ACYP2: variants seen among roughly 807,000 people sequenced by gnomAD.
ACYP2 encodes acylphosphatase 2, also known as acylphosphatase-2.
Under a neutral mutation model 11.2 loss-of-function variants are expected in ACYP2, and 12 were observed. The ratio of observed to expected loss-of-function variants is 1.08; its 90% confidence interval spans 0.69 to 1.74. ACYP2 has a LOEUF of 1.74. Among genes scored for constraint, ACYP2 ranks in the 40% most tolerant of loss-of-function variants. ACYP2 has a pLI of 0.00. For synonymous variants in ACYP2, 43 were observed against 32.2 expected (o/e 1.33, Z -1.13); for missense variants, 134 against 101.9 (o/e 1.31, Z -1.35).
At chr2:54,143,489 A>G (rs865921063) in intron 6 of ACYP2, among the ~76,000 whole-genome samples, 1 of 152,116 alleles carries the variant, frequency 6.6e-6, no homozygotes, top group Non-Finnish European at 1.5e-5. Flanking sequence ...GCTGGAGTGC[A>G]ATGGTACGAT....
chr2:54,229,494 G>A (rs1201363061), intron 6 of ACYP2, among the ~76,000 whole-genome samples: 1 of 152,144 alleles, frequency 6.6e-6, no homozygotes, highest in Non-Finnish European at 1.5e-5. Context: ...TTTGCAGAAT[G>A]TATATTATTT....
At chr2:54,141,797 A>AAAAAG in intron 6 of ACYP2, 1 of 469,182 alleles carries the variant, frequency 2.1e-6, no homozygotes, top group Non-Finnish European at 3.9e-6. Context: ...AAGAAAACTT[A>AAAAAG]CATGATTGTG....
At position 54,255,336 on chromosome 2, in the gene ACYP2, C is replaced by G. The variant is rs749701774; in HGVS notation, c.405-49352C>G. The G allele has an allele frequency of 2.5e-5, 40 of 1,614,044 alleles. No homozygotes were observed. The highest frequency in any genetic ancestry group is 3.0e-5 in the Non-Finnish European group (35 of 1,180,038). On this transcript the variant is annotated intron_variant, in intron 6 of 6. Transcript: ENST00000607452. ...CCAAATTGGTTAAGTAGCTTAACAT[C>G]TCGGCATCTTGGCCTCTAATCATGG...
At chr2:54,031,582 A>G (rs1466162955) in intron 2 of ACYP2, among the ~76,000 whole-genome samples, 1 of 152,158 alleles carries the variant, frequency 6.6e-6, no homozygotes, top group Non-Finnish European at 1.5e-5. Flanking sequence ...GCCGCAATAA[A>G]CATACATGTG....
At chr2:54,098,418 C>T (rs904333366) in intron 4 of ACYP2, among the ~76,000 whole-genome samples, 1 of 152,070 alleles carries the variant, frequency 6.6e-6, no homozygotes, top group South Asian at 2.1e-4. Flanking sequence ...TAACTCATTT[C>T]CTCTCCCTGC....
chr2:54,079,430 G>A (rs188757073), intron 4 of ACYP2, among the ~76,000 whole-genome samples: 5 of 152,184 alleles, frequency 3.3e-5, no homozygotes, highest in Admixed American at 3.3e-4. Context: ...GCTTCTGTTT[G>A]AGCTTTCTCA....
intron 6 of ACYP2, among the ~76,000 whole-genome samples, chr2:54,168,350 C>T (rs896809669): frequency 1.3e-5 from 2 of 152,074 alleles, no homozygotes; most frequent in South Asian, 2.1e-4. Flanking sequence ...TCACTGAAAC[C>T]GGGAAGCAGA....
At chr2:53,995,615 G>T (rs1672538935) in intron 2 of ACYP2, among the ~76,000 whole-genome samples, 1 of 151,464 alleles carries the variant, frequency 6.6e-6, no homozygotes, top group Non-Finnish European at 1.5e-5. Context: ...GGGATTTCCA[G>T]CTAATTTTTT....
intron 6 of ACYP2, chr2:54,256,219 C>T: frequency 6.6e-7 from 1 of 1,519,798 alleles, no homozygotes. Context: ...ACGTTCCTCA[C>T]ACAAAATGGC....
intron 4 of ACYP2, among the ~76,000 whole-genome samples, chr2:54,122,474 T>C (rs1680216938): frequency 6.6e-6 from 1 of 152,146 alleles, no homozygotes; most frequent in Admixed American, 6.5e-5. Context: ...CCTGCATGTG[T>C]CATATCAGCT....
At chr2:54,121,878 G>A (rs916962352) in intron 4 of ACYP2, among the ~76,000 whole-genome samples, 6 of 152,212 alleles carry the variant, frequency 3.9e-5, no homozygotes, top group South Asian at 2.1e-4. Context: ...ACACGGCTAC[G>A]CCTCTAGTGG....
intron 2 of ACYP2, among the ~76,000 whole-genome samples, chr2:54,034,023 A>G (rs1558484142): frequency 1.3e-5 from 2 of 152,210 alleles, no homozygotes; most frequent in Admixed American, 6.5e-5. Context: ...TGGTTCCATA[A>G]GACTGTAATA....
intron 6 of ACYP2, among the ~76,000 whole-genome samples, chr2:54,252,981 G>A (rs1286974569): frequency 1.3e-5 from 2 of 151,940 alleles, no homozygotes; most frequent in Admixed American, 1.3e-4. Flanking sequence ...TCTTTAGGCT[G>A]AGGCAGGTGA....
intron 2 of ACYP2, among the ~76,000 whole-genome samples, chr2:53,992,361 T>C (rs947408382): frequency 6.6e-6 from 1 of 152,138 alleles, no homozygotes; most frequent in African/African-American, 2.4e-5. Flanking sequence ...ATGATATAAA[T>C]TGATTTAAAC....
At chr2:54,192,484 T>A (rs531122146) in intron 6 of ACYP2, among the ~76,000 whole-genome samples, 82 of 152,306 alleles carry the variant, frequency 5.4e-4, no homozygotes, top group Non-Finnish European at 1.0e-3. Flanking sequence ...GAGCACTGTT[T>A]AAAATACAAA....
intron 4 of ACYP2, among the ~76,000 whole-genome samples, chr2:54,113,938 G>A (rs893703958): frequency 6.6e-6 from 1 of 152,148 alleles, no homozygotes; most frequent in Non-Finnish European, 1.5e-5. Context: ...GGAATGAACT[G>A]GGAGATGGAA....
chr2:54,003,697 A>G (rs1672917132), intron 2 of ACYP2, among the ~76,000 whole-genome samples: 1 of 152,198 alleles, frequency 6.6e-6, no homozygotes, highest in African/African-American at 2.4e-5. Context: ...TGCTATTAAT[A>G]TCTATGTGTA....
At chr2:54,129,062 T>C (rs968197521) in intron 4 of ACYP2, among the ~76,000 whole-genome samples, 24 of 152,186 alleles carry the variant, frequency 1.6e-4, no homozygotes, top group African/African-American at 4.8e-4. Context: ...GGCACCCATA[T>C]GTGTCTCCTT....
chr2:54,066,565 G>A (rs1023305884), intron 4 of ACYP2, among the ~76,000 whole-genome samples: 1 of 152,116 alleles, frequency 6.6e-6, no homozygotes, highest in Non-Finnish European at 1.5e-5. Context: ...CTAGTCCTAT[G>A]CCAAACCAAT....
Sources: allele counts gnomAD v4.1 joint callset (sites outside exome capture counted in the v4.1 genomes callset), GRCh38; gene constraint gnomAD v4.1.1; transcripts MANE v1.5; gene names NCBI Gene and HGNC (gene_info 2026-07-23, HGNC 2026-07-21).